RTL4: variants seen among roughly 807,000 people sequenced by gnomAD.
The protein encoded by RTL4 is retrotransposon Gag like 4.
Under a neutral mutation model 5.3 loss-of-function variants are expected in RTL4, and 4 were observed. The ratio of observed to expected loss-of-function variants is 0.75; its 90% CI spans 0.37 to 1.72. RTL4 has a LOEUF of 1.72. Ranked by LOEUF, RTL4 falls within the 40% of genes most tolerant of loss-of-function variation. The pLI is 0.04. For synonymous variants in RTL4, 98 were observed against 87.3 expected (o/e 1.12, Z -0.68); for missense variants, 260 against 227.1 (o/e 1.14, Z -0.93).
the RTL4 span, among the ~76,000 whole-genome samples, chrX:112,194,790 T>A: frequency 1.8e-5 from 2 of 111,994 alleles, no homozygotes; most frequent in South Asian, 7.4e-4. Flanking sequence ...TATAATGTTG[T>A]GAACACCTGA....
the RTL4 span, among the ~76,000 whole-genome samples, chrX:112,391,726 A>G: frequency 1.8e-5 from 2 of 109,646 alleles, no homozygotes; most frequent in Non-Finnish European, 3.8e-5. Flanking sequence ...AATGCTCCAA[A>G]AGTATAGGTT....
chrX:112,244,005 T>C, the RTL4 span, among the ~76,000 whole-genome samples: 3 of 112,120 alleles, frequency 2.7e-5, no homozygotes, highest in African/African-American at 9.7e-5. Context: ...ATTGTGTGGT[T>C]TTGAGTGAAT....
At chrX:112,252,591 T>C in the RTL4 span, among the ~76,000 whole-genome samples, 406 of 111,088 alleles carry the variant, frequency 3.7e-3, 4 homozygotes, top group African/African-American at 0.013. Context: ...CTCCACCTAC[T>C]CTGGGTGCCC....
chrX:112,438,529 C>G, the RTL4 span, among the ~76,000 whole-genome samples: 1 of 112,614 alleles, frequency 8.9e-6, no homozygotes, highest in East Asian at 2.8e-4. Context: ...TTTCCTTGAT[C>G]GTACGCAGTG....
the RTL4 span, among the ~76,000 whole-genome samples, chrX:112,334,271 A>G: frequency 8.9e-6 from 1 of 112,230 alleles, no homozygotes; most frequent in South Asian, 3.7e-4. Flanking sequence ...ACAGGAGCAG[A>G]TATCCCTGTG....
upstream of RTL4, among the ~76,000 whole-genome samples, chrX:112,451,424 G>T (rs896130693): frequency 1.8e-5 from 2 of 111,059 alleles, no homozygotes; most frequent in Non-Finnish European, 3.8e-5. Flanking sequence ...ACCAGAGCCT[G>T]AAAGATCGAG....
At chrX:112,121,347 GAT>G in the RTL4 span, among the ~76,000 whole-genome samples, 1 of 111,437 alleles carries the variant, frequency 9.0e-6, no homozygotes, top group African/African-American at 3.2e-5. Flanking sequence ...AAATTAATAA[GAT>G]AATTTTATGA....
At chrX:112,429,385 A>G in the RTL4 span, among the ~76,000 whole-genome samples, 6 of 110,694 alleles carry the variant, frequency 5.4e-5, no homozygotes, top group Non-Finnish European at 1.1e-4. Flanking sequence ...ATATACATTT[A>G]TAACTAACCC....
At chrX:112,379,704 A>AT in the RTL4 span, among the ~76,000 whole-genome samples, 1 of 111,599 alleles carries the variant, frequency 9.0e-6, no homozygotes, top group Admixed American at 9.5e-5. Flanking sequence ...CTAGCAATTC[A>AT]TTTTTTGCTT....
At chrX:112,279,289 T>C in the RTL4 span, among the ~76,000 whole-genome samples, 1 of 111,830 alleles carries the variant, frequency 8.9e-6, no homozygotes, top group East Asian at 2.8e-4. Context: ...TGAAATTTTA[T>C]ACTATTAGGT....
chrX:112,352,822 T>C, the RTL4 span, among the ~76,000 whole-genome samples: 2 of 111,061 alleles, frequency 1.8e-5, no homozygotes, highest in African/African-American at 6.6e-5. Flanking sequence ...AAAGACAAAA[T>C]TGACAAATGG....
At chrX:112,152,758 C>T in the RTL4 span, among the ~76,000 whole-genome samples, 8 of 112,055 alleles carry the variant, frequency 7.1e-5, no homozygotes, top group African/African-American at 1.9e-4. Flanking sequence ...GCTTAATAAA[C>T]GTAAGGCTTT....
At chrX:112,453,119 G>A (rs1926772012), upstream of RTL4, among the ~76,000 whole-genome samples, 1 of 110,564 alleles carries the variant, frequency 9.0e-6, no homozygotes, top group African/African-American at 3.3e-5. Flanking sequence ...GATTAATGCT[G>A]GTGGTTGGAT....
the RTL4 span, among the ~76,000 whole-genome samples, chrX:112,373,416 T>C: frequency 9.0e-6 from 1 of 111,310 alleles, no homozygotes; most frequent in Non-Finnish European, 1.9e-5. Flanking sequence ...TCTTGTGTGA[T>C]GTTTTTCTCT....
chrX:112,251,188 A>C, the RTL4 span, among the ~76,000 whole-genome samples: 11 of 112,637 alleles, frequency 9.8e-5, no homozygotes, highest in South Asian at 3.6e-3. Flanking sequence ...TTTAAATAGA[A>C]ATTAAATTCT....
the RTL4 span, among the ~76,000 whole-genome samples, chrX:112,092,728 G>A: frequency 1.8e-5 from 2 of 111,052 alleles, no homozygotes; most frequent in Non-Finnish European, 3.8e-5. Flanking sequence ...TCATGATAGT[G>A]AATGGGTCTC....
At chrX:112,360,482 A>G in the RTL4 span, among the ~76,000 whole-genome samples, 1 of 111,482 alleles carries the variant, frequency 9.0e-6, no homozygotes, top group African/African-American at 3.3e-5. Context: ...TATGTTGCTT[A>G]TCAAAGGACC....
At chrX:112,254,885 T>C in the RTL4 span, among the ~76,000 whole-genome samples, 18 of 112,184 alleles carry the variant, frequency 1.6e-4, no homozygotes, top group Non-Finnish European at 2.8e-4. Context: ...GCACATGTTA[T>C]AACTAGTTCA....
the RTL4 span, among the ~76,000 whole-genome samples, chrX:112,328,831 A>G: frequency 8.9e-6 from 1 of 112,282 alleles, no homozygotes; most frequent in Admixed American, 9.4e-5. Flanking sequence ...GTGCAATCAA[A>G]CTAGAACTCA....
Sources: gnomAD v4.1 joint callset for allele counts (sites outside exome capture counted in the v4.1 genomes callset) on GRCh38, gnomAD v4.1.1 for gene constraint, MANE v1.5 for transcripts, NCBI Gene and HGNC (gene_info 2026-07-23, HGNC 2026-07-21) for gene names.